The following EPHA10 variants were observed in gnomAD, a reference collection of about 807,000 sequenced individuals.
EPHA10 encodes EPH receptor A10, also known as ephrin type-A receptor 10.
EPHA10 carries 120 observed loss-of-function variants against 109.7 expected under a neutral mutation model. That is an observed-to-expected ratio of 1.09 (90% CI 0.94 to 1.27). EPHA10 has a LOEUF of 1.27. EPHA10 is among the 50% of genes most tolerant of loss of function. The pLI is 0.00. For missense variants in EPHA10, 1,396 were observed against 1,411.1 expected, an observed-to-expected ratio of 0.99 and a Z score of 0.17; for synonymous variants, 640 against 618.9, an observed-to-expected ratio of 1.03 and a Z score of -0.51.
chr1:37,745,204 G>A (rs1020948071), intron 5 of EPHA10, among the ~76,000 whole-genome samples: 11 of 152,168 alleles, frequency 7.2e-5, no homozygotes, highest in African/African-American at 2.2e-4. Flanking sequence ...ATGAACACAA[G>A]GGTCTAGTGT....
rs903707392 is a variant in EPHA10 at position 37,716,976 on chromosome 1, G to A, written c.*1396C>T. On this transcript the variant is annotated 3_prime_UTR_variant, in exon 17 of 17. Coordinates refer to ENST00000373048, the MANE Select transcript of EPHA10 (RefSeq NM_001099439.2). ...CCTGGTCTAGTCTGAGCCCCCCAAG[G>A]GCAGGCTGTGTGTCTTTTTCATCTT... 10 of 233,016 alleles carry A rather than the reference G, an allele frequency of 4.3e-5. No individual in the cohort carries two copies. The highest frequency in any genetic ancestry group is 6.8e-5 in the Non-Finnish European group (8 of 118,036). 14.4% of individuals were successfully genotyped at this position (233,016 alleles called of 1,614,324 possible). A position where few individuals can be genotyped will look rare whatever the true frequency, so the allele number is the denominator to read the frequency against.
rs6671088 is a variant in EPHA10, at chr1:37,720,517, C to G, written c.2246G>C (p.Gly749Ala). 5 of 1,612,352 alleles carry G rather than the reference C, an allele frequency of 3.1e-6. No individual in the cohort carries two copies. The East Asian group carries it at 8.9e-5, about 29-fold the overall frequency. ...EGQLVAGQLM[G>A]LLPGLASAMK... Reference sequence around the variant, plus strand: ...GGCTGATGCCAGCCCAGGCAGCAACCCCATCAGTTGCCCAGCCACCAGCTG... The same window carrying G: ...GGCTGATGCCAGCCCAGGCAGCAACGCCATCAGTTGCCCAGCCACCAGCTG... The change falls in exon 13 of 17, where the codon GGG becomes GCG. Residue 749 changes from glycine to alanine, a missense_variant. By Grantham distance (60) the Gly-to-Ala change is moderately conservative. Coordinates refer to ENST00000373048, the MANE Select transcript of EPHA10 (RefSeq NM_001099439.2).
In EPHA10 at chr1:37,717,742, C is replaced by A. The variant is rs960879111; in HGVS notation, c.*630G>T. 1 of 231,366 alleles carries A rather than the reference C, an allele frequency of 4.3e-6. No individual in the cohort carries two copies. The highest frequency in any genetic ancestry group is 8.6e-6 in the Non-Finnish European group (1 of 116,950). 14.3% of individuals were successfully genotyped at this position (231,366 alleles called of 1,614,324 possible). ...AGCCCAAGGCAGGGGGACACAGAAA[C>A]CAGATCCTGAGTCTAGGGCTCTTGG... On this transcript the variant is annotated 3_prime_UTR_variant, in exon 17 of 17. Coordinates refer to ENST00000373048, the MANE Select transcript of EPHA10 (RefSeq NM_001099439.2).
intron 5 of EPHA10, among the ~76,000 whole-genome samples, chr1:37,751,800 G>T (rs1646332011): frequency 1.3e-5 from 2 of 151,696 alleles, no homozygotes; most frequent in Non-Finnish European, 1.5e-5. Flanking sequence ...TTGAACTCGG[G>T]AGGCAGAGGT....
intron 5 of EPHA10, among the ~76,000 whole-genome samples, chr1:37,749,252 T>C (rs1391588270): frequency 1.3e-5 from 2 of 151,812 alleles, no homozygotes; most frequent in East Asian, 1.9e-4. Context: ...TAGAAAATCA[T>C]ATTGCACAGT....
intron 14 of EPHA10, 49 bp downstream of exon 14, chr1:37,719,860 T>C: frequency 6.2e-7 from 1 of 1,613,482 alleles, no homozygotes; most frequent in Non-Finnish European, 8.5e-7. Context: ...AGCTGGGGCC[T>C]GAGCTGAGAG....
intron 10 of EPHA10, 70 bp from the exon 11 acceptor site, chr1:37,721,915 A>G (rs1333353487): frequency 1.4e-6 from 2 of 1,393,626 alleles, no homozygotes; most frequent in Non-Finnish European, 9.5e-7. Context: ...GGCTGAGCCG[A>G]GGAGAAAGTG....
At chr1:37,715,866 G>C, downstream of EPHA10, 1 of 551,362 alleles carries the variant, frequency 1.8e-6, no homozygotes, top group Non-Finnish European at 3.6e-6. Context: ...TCTATGCAGA[G>C]AGATCTCAGA....
rs367705803 is a variant in EPHA10 at position 37,754,318 on chromosome 1, C to A, written c.903G>T (p.Pro301=). 1.2e-4 allele frequency: 157 copies of A among 1,319,984 alleles called. No individual in the cohort carries two copies. In the African/African-American group the frequency reaches 2.2e-3, roughly 19 times the overall value. 81.8% of individuals were successfully genotyped at this position (1,319,984 alleles called of 1,614,324 possible). ...CCAGGGCCCGGCTGTGCTCTGGGCA[C>A]GGTGAGCAGAGGGGCCGCCGCGGGG... The part of the protein sequence containing the change: ...KVSPRRPLCS[P]CPEHSRALEN... Residue 301 remains proline, a synonymous_variant, in exon 4 of 17, where the codon CCG becomes CCT. Transcript: ENST00000373048. The surrounding 1 kb of genome is among the most constrained non-coding windows in gnomAD (Gnocchi z 4.5).
In EPHA10 at chr1:37,721,721, G is replaced by A; in HGVS notation, c.2085C>T (p.Ala695=). The A allele has an allele frequency of 1.9e-6, 3 of 1,612,506 alleles. No homozygotes were observed. Among genetic ancestry groups the A allele is most frequent in the Admixed American group, 1.7e-5 (1 of 60,000 alleles). ...TATGGTCAAACTGGCCCAGCGTGAG[G>A]GCCTCGGCCAGGAAGCCGAGCCTCT... ...DSQRLGFLAE[A]LTLGQFDHSH... is the part of the protein sequence containing the mutation. Residue 695 remains alanine (A), a synonymous_variant, in exon 11 of 17, where the codon GCC becomes GCT. Transcript: ENST00000373048.
intron 8 of EPHA10, among the ~76,000 whole-genome samples, chr1:37,725,342 T>A (rs1645870212): frequency 6.6e-6 from 1 of 151,578 alleles, no homozygotes; most frequent in South Asian, 2.1e-4. Context: ...CCGTCTCTAC[T>A]AAAAATACAA....
At chr1:37,739,626 T>C (rs1309885102) in intron 5 of EPHA10, among the ~76,000 whole-genome samples, 1 of 144,382 alleles carries the variant, frequency 6.9e-6, no homozygotes, top group Non-Finnish European at 1.5e-5. Flanking sequence ...GAAGTGGAGG[T>C]TGCAGTGAGC....
chr1:37,753,470 C>T (rs1476622972), intron 4 of EPHA10, among the ~76,000 whole-genome samples: 1 of 139,410 alleles, frequency 7.2e-6, no homozygotes, highest in African/African-American at 2.7e-5. Context: ...AAGGGACGAC[C>T]GGTGAAGGAA....
In EPHA10 at chr1:37,753,170, G is replaced by C; in HGVS notation, c.1063C>G (p.Leu355Val). The stretch of plus-strand genomic sequence containing the variant: ...GCCGGCGGCAGCCAGCGCAGTCGCA[G>C]CACCAGCGGCGAGCGGCTCAGGCTG... ...QYSLSRSPLV[L>V]RLRWLPPADS... Residue 355 changes from leucine (L) to valine (V), a missense_variant, in exon 5 of 17, where the codon CTG becomes GTG. By Grantham distance (32) the Leu-to-Val change is conservative. Coordinates refer to ENST00000373048, the MANE Select transcript of EPHA10 (RefSeq NM_001099439.2). 1 of 1,405,064 alleles carries C rather than the reference G, an allele frequency of 7.1e-7. No homozygotes were observed. Among genetic ancestry groups the C allele is most frequent in the Non-Finnish European group, 9.3e-7 (1 of 1,080,880 alleles). 87.0% of individuals were successfully genotyped at this position (1,405,064 alleles called of 1,614,324 possible). A position where few individuals can be genotyped will look rare whatever the true frequency, so the allele number is the denominator to read the frequency against.
chr1:37,721,534 G>T (rs1645796542), intron 11 of EPHA10, 126 bp downstream of exon 11: 2 of 1,016,782 alleles, frequency 2.0e-6, no homozygotes, highest in Middle Eastern at 3.4e-4. Context: ...GAGGTCCCTG[G>T]CTGAAGCTCC....
intron 5 of EPHA10, among the ~76,000 whole-genome samples, chr1:37,749,490 T>A (rs1646290906): frequency 6.6e-6 from 1 of 151,672 alleles, no homozygotes; most frequent in African/African-American, 2.4e-5. Flanking sequence ...CTGGCCAACA[T>A]GGCGAAACCC....
intron 6 of EPHA10, among the ~76,000 whole-genome samples, chr1:37,733,698 T>C (rs1041761884): frequency 1.3e-5 from 2 of 152,110 alleles, no homozygotes; most frequent in Non-Finnish European, 2.9e-5. Context: ...CAGGGCTCTG[T>C]CCTGGCCACT....
chr1:37,721,414 C>A (rs1408946996), intron 11 of EPHA10, among the ~76,000 whole-genome samples: 7 of 144,124 alleles, frequency 4.9e-5, no homozygotes, highest in Admixed American at 3.5e-4. Context: ...GGCAACAGAG[C>A]GAGACTCCAT....
intron 5 of EPHA10, among the ~76,000 whole-genome samples, chr1:37,739,973 G>A (rs563048553): frequency 6.6e-6 from 1 of 151,966 alleles, no homozygotes; most frequent in East Asian, 1.9e-4. Context: ...ACACACCTGT[G>A]GTCCCAGACA....
Sources: allele counts gnomAD v4.1 joint callset (sites outside exome capture counted in the v4.1 genomes callset), GRCh38; gene constraint gnomAD v4.1.1; non-coding constraint Gnocchi (gnomAD v3.1); transcripts MANE v1.5; gene names NCBI Gene and HGNC (gene_info 2026-07-23, HGNC 2026-07-21).